ARHGEF38: variants seen among roughly 807,000 people sequenced by gnomAD.
The protein encoded by ARHGEF38 is Rho guanine nucleotide exchange factor 38.
ARHGEF38 carries 79 observed loss-of-function variants against 79.9 expected under a neutral mutation model. The observed-to-expected ratio is 0.99, with a 90% CI of 0.82 to 1.19. ARHGEF38 has a LOEUF of 1.19. Among genes scored for constraint, ARHGEF38 ranks in the 50% most tolerant of loss-of-function variants. The pLI is 0.00. For missense variants in ARHGEF38, 962 were observed against 907.2 expected (o/e 1.06, Z -0.78); for synonymous variants, 366 against 328.3 (o/e 1.11, Z -1.24).
intron 4 of ARHGEF38, among the ~76,000 whole-genome samples, chr4:105,634,017 C>T (rs1412854768): frequency 2.0e-5 from 3 of 152,132 alleles, no homozygotes; most frequent in African/African-American, 4.8e-5. Context: ...CCTTTCATAA[C>T]GTGAGGGCAG....
At chr4:105,648,791 T>C in intron 7 of ARHGEF38, 109 bp downstream of exon 7, 2 of 1,139,106 alleles carry the variant, frequency 1.8e-6, no homozygotes, top group Admixed American at 2.9e-5. Flanking sequence ...AGAATCAAGG[T>C]AATTGCCCTA....
intron 3 of ARHGEF38, among the ~76,000 whole-genome samples, chr4:105,625,376 C>G (rs948262058): frequency 2.6e-5 from 4 of 152,078 alleles, no homozygotes; most frequent in Admixed American, 2.0e-4. Context: ...GAAACAGAAA[C>G]AAAAACAAAA....
intron 7 of ARHGEF38, among the ~76,000 whole-genome samples, chr4:105,653,524 T>C (rs1019340545): frequency 6.6e-6 from 1 of 152,156 alleles, no homozygotes; most frequent in Non-Finnish European, 1.5e-5. Flanking sequence ...GGTTTCACCA[T>C]ATTGGCCAGG....
intron 9 of ARHGEF38, 86 bp downstream of exon 9, chr4:105,655,808 G>C: frequency 2.2e-6 from 3 of 1,389,002 alleles, no homozygotes; most frequent in Non-Finnish European, 2.9e-6. Flanking sequence ...TCTGGAGTCA[G>C]AAATAAAACA....
In ARHGEF38 at chr4:105,630,954, T is replaced by C. The variant is rs1410722972; in HGVS notation, c.565T>C (p.Tyr189His). The change falls in exon 4 of 14, where the codon TAT becomes CAT. Residue 189 changes from tyrosine (Y) to histidine (H), a missense_variant. Coordinates refer to ENST00000420470, the MANE Select transcript of ARHGEF38 (RefSeq NM_001242729.2). ...GGAAGATATTTATAAAATCTACTGC[T>C]ATCACCATGATGAAGCACATAGTAT... is the stretch of plus-strand genomic sequence containing the variant. The part of the protein sequence containing the change: ...PLEDIYKIYC[Y>H]HHDEAHSILE... 1 of 1,613,574 alleles carries C rather than the reference T, an allele frequency of 6.2e-7. No individual in the cohort carries two copies. Among genetic ancestry groups the C allele is most frequent in the Non-Finnish European group, 8.5e-7 (1 of 1,179,774 alleles).
At chr4:105,674,908 TA>T (rs1365040093) in intron 13 of ARHGEF38, among the ~76,000 whole-genome samples, 1 of 152,082 alleles carries the variant, frequency 6.6e-6, no homozygotes, top group Non-Finnish European at 1.5e-5. Flanking sequence ...TCTAACCTGC[TA>T]AAAAAATCTA....
At position 105,680,060 on chromosome 4, in the gene ARHGEF38, C is replaced by A; in HGVS notation, c.*2123C>A. 1.2e-6 allele frequency: 1 copy of A among 808,282 alleles called. No individual in the cohort carries two copies. Among genetic ancestry groups the A allele is most frequent in the South Asian group, 1.3e-5 (1 of 75,366 alleles). The allele number at this position is 808,282 out of a possible 1,614,324, so 50.1% of individuals were successfully genotyped here. On this transcript the variant is annotated 3_prime_UTR_variant, in exon 14 of 14. Coordinates refer to ENST00000420470, the MANE Select transcript of ARHGEF38 (RefSeq NM_001242729.2). ...CTTCGTCTCACAGAAAATAATAGCC[C>A]TCCCTTCAGATCCACTGTAGACTTG... is the stretch of plus-strand genomic sequence containing the variant.
At chr4:105,644,978 C>CTTGTTTCTTTTAGGTTT (rs1729775101) in intron 5 of ARHGEF38, among the ~76,000 whole-genome samples, 2 of 152,030 alleles carry the variant, frequency 1.3e-5, no homozygotes, top group Admixed American at 1.3e-4. Context: ...GAAAGTTATA[C>CTTGTTTCTTTTAGGTTT]TTGTTTCTTT....
At chr4:105,624,224 GA>G (rs1415756326) in intron 3 of ARHGEF38, among the ~76,000 whole-genome samples, 2 of 151,880 alleles carry the variant, frequency 1.3e-5, no homozygotes, top group African/African-American at 2.4e-5. Flanking sequence ...TAGTGCTTCT[GA>G]AAAAAAATTT....
Position 105,599,330 on chromosome 4 carries a change from G to T in ARHGEF38, c.384+9895G>T, listed in dbSNP as rs569334984. 5.9e-5 allele frequency among the ~76,000 whole-genome samples: 9 copies of T among 152,188 alleles called. No homozygotes were observed. The South Asian group carries it at 1.9e-3, about 32-fold the overall frequency. ...ATTTTTATAATCTATAGTCCAGATC[G>T]ATCAGAATCTGCTGGACCAAGTGAG... On this transcript the variant is annotated intron_variant, in intron 2 of 13. Coordinates refer to ENST00000420470, the MANE Select transcript of ARHGEF38 (RefSeq NM_001242729.2).
At chr4:105,608,092 A>G (rs560430681) in intron 2 of ARHGEF38, among the ~76,000 whole-genome samples, 22 of 152,272 alleles carry the variant, frequency 1.4e-4, no homozygotes, top group African/African-American at 5.3e-4. Context: ...CCCGCTTTCT[A>G]GACAGCCATC....
chr4:105,596,654 T>C (rs1727593763), intron 2 of ARHGEF38, among the ~76,000 whole-genome samples: 1 of 152,268 alleles, frequency 6.6e-6, no homozygotes, highest in African/African-American at 2.4e-5. Flanking sequence ...GAAACTTGTA[T>C]ATCCCTTTGC....
chr4:105,659,456 A>G (rs1578356340), intron 10 of ARHGEF38, 91 bp downstream of exon 10: 1 of 1,235,872 alleles, frequency 8.1e-7, no homozygotes, highest in Admixed American at 2.5e-5. Flanking sequence ...CAGAGTGTGC[A>G]CATGTATGCC....
intron 5 of ARHGEF38, among the ~76,000 whole-genome samples, chr4:105,639,919 C>T (rs1281938997): frequency 6.6e-6 from 1 of 151,972 alleles, no homozygotes; most frequent in Admixed American, 6.6e-5. Flanking sequence ...ATAGCCAAAT[C>T]GTTCTGCAAG....
In ARHGEF38 at chr4:105,680,269, G is replaced by C. The variant is rs187971001; in HGVS notation, c.*2332G>C. The stretch of plus-strand genomic sequence containing the variant: ...TCTTACATAAAGCATATGCAAAATA[G>C]AAAAATGATAGTCACCACATATCTA... On this transcript the variant is annotated 3_prime_UTR_variant, in exon 14 of 14. Coordinates refer to ENST00000420470, the MANE Select transcript of ARHGEF38 (RefSeq NM_001242729.2). The C allele has an allele frequency of 2.0e-4, 73 of 358,616 alleles. No homozygotes were observed. Among genetic ancestry groups the C allele is most frequent in the African/African-American group, 1.4e-3 (67 of 47,588 alleles). The allele number at this position is 358,616 out of a possible 1,614,324, so 22.2% of individuals were successfully genotyped here. A position where few individuals can be genotyped will look rare whatever the true frequency, so the allele number is the denominator to read the frequency against.
chr4:105,594,136 T>C (rs181623799), intron 2 of ARHGEF38, among the ~76,000 whole-genome samples: 1 of 152,240 alleles, frequency 6.6e-6, no homozygotes, highest in Non-Finnish European at 1.5e-5. Context: ...AGAATTCTCA[T>C]GTCAGATCTG....
At chr4:105,632,405 G>A (rs1373474818) in intron 4 of ARHGEF38, among the ~76,000 whole-genome samples, 3 of 152,142 alleles carry the variant, frequency 2.0e-5, no homozygotes, top group African/African-American at 7.2e-5. Flanking sequence ...TTAAATATAA[G>A]ATGTAATGAG....
At chr4:105,592,139 T>A (rs1277974462) in intron 2 of ARHGEF38, among the ~76,000 whole-genome samples, 1 of 152,208 alleles carries the variant, frequency 6.6e-6, no homozygotes, top group Admixed American at 6.5e-5. Flanking sequence ...ACTGTGTCTA[T>A]GTATTCTCAC....
chr4:105,585,152 G>C (rs1388771395), intron 1 of ARHGEF38, among the ~76,000 whole-genome samples: 1 of 130,652 alleles, frequency 7.7e-6, no homozygotes, highest in Non-Finnish European at 1.7e-5. Flanking sequence ...GTTTGAGACT[G>C]TAGAGAAAGT....
Sources: allele counts gnomAD v4.1 joint callset (sites outside exome capture counted in the v4.1 genomes callset), GRCh38; gene constraint gnomAD v4.1.1; transcripts MANE v1.5; gene names NCBI Gene and HGNC (gene_info 2026-07-23, HGNC 2026-07-21).